Variants in CADPS2 observed in about 807,000 individuals in gnomAD.
The protein encoded by CADPS2 is calcium dependent secretion activator 2.
A neutral mutation model predicts 172.5 loss-of-function variants in CADPS2; 93 were observed. The observed-to-expected ratio is 0.54, with a 90% CI of 0.46 to 0.64. The LOEUF is 0.64. CADPS2 is among the 30% of genes least tolerant of loss of function. CADPS2 has a pLI of 0.00. For missense variants in CADPS2, 1,420 were observed against 1,565.9 expected (o/e 0.91, Z 1.57); for synonymous variants, 546 against 555.2 (o/e 0.98, Z 0.23).
At chr7:122,546,142 A>G (rs909012106) in intron 8 of CADPS2, among the ~76,000 whole-genome samples, 1 of 152,274 alleles carries the variant, frequency 6.6e-6, no homozygotes, top group Non-Finnish European at 1.5e-5. Context: ...CACTGGTATT[A>G]ATGTTAAAAT....
At chr7:122,588,748 A>G (rs930502147) in intron 6 of CADPS2, among the ~76,000 whole-genome samples, 4 of 151,908 alleles carry the variant, frequency 2.6e-5, no homozygotes, top group African/African-American at 9.7e-5. Context: ...TTTGCTGAAG[A>G]AACTGACTTT....
chr7:122,660,159 A>G (rs889761691), intron 3 of CADPS2, among the ~76,000 whole-genome samples: 2 of 152,186 alleles, frequency 1.3e-5, no homozygotes, highest in African/African-American at 2.4e-5. Context: ...GTTCAAAGCA[A>G]TAATAGAAAG....
chr7:122,676,855 C>G (rs1192351645), intron 2 of CADPS2: 1 of 515,732 alleles, frequency 1.9e-6, no homozygotes, highest in East Asian at 3.1e-5. Flanking sequence ...TTTTCCAGGT[C>G]ACTTTGTGTG....
chr7:122,815,240 A>T (rs1414928960), intron 1 of CADPS2, among the ~76,000 whole-genome samples: 2 of 152,158 alleles, frequency 1.3e-5, no homozygotes, highest in African/African-American at 4.8e-5. Flanking sequence ...TAAACTGTTA[A>T]GTCAGTCTGC....
chr7:122,544,078 G>A (rs527383791), intron 8 of CADPS2, among the ~76,000 whole-genome samples: 4 of 152,096 alleles, frequency 2.6e-5, no homozygotes, highest in Non-Finnish European at 4.4e-5. Flanking sequence ...CCACTCCTAC[G>A]TGTCCACTCA....
At chr7:122,593,346 G>T (rs1347475081) in intron 6 of CADPS2, among the ~76,000 whole-genome samples, 2 of 151,948 alleles carry the variant, frequency 1.3e-5, no homozygotes, top group African/African-American at 4.8e-5. Flanking sequence ...ATAAAAAAGA[G>T]CCATTACCTG....
At chr7:122,880,408 G>A (rs1365451391) in intron 1 of CADPS2, among the ~76,000 whole-genome samples, 1 of 152,156 alleles carries the variant, frequency 6.6e-6, no homozygotes, top group Non-Finnish European at 1.5e-5. Context: ...TGTATCGACT[G>A]CACAAACTCT....
chr7:122,712,452 AG>A (rs1426845980), intron 2 of CADPS2, among the ~76,000 whole-genome samples: 1 of 152,186 alleles, frequency 6.6e-6, no homozygotes, highest in Non-Finnish European at 1.5e-5. Context: ...CTATGTGCAT[AG>A]TACTTAATAG....
intron 7 of CADPS2, among the ~76,000 whole-genome samples, chr7:122,565,831 T>C (rs923343207): frequency 6.6e-6 from 1 of 152,212 alleles, no homozygotes; most frequent in Non-Finnish European, 1.5e-5. Context: ...TTCAAGCGTA[T>C]AATTCATGAT....
At chr7:122,431,235 T>A (rs2049868597) in intron 17 of CADPS2, among the ~76,000 whole-genome samples, 1 of 152,242 alleles carries the variant, frequency 6.6e-6, no homozygotes, top group African/African-American at 2.4e-5. Flanking sequence ...GTTTATCCAA[T>A]AAATATTTAC....
intron 1 of CADPS2, among the ~76,000 whole-genome samples, chr7:122,769,931 A>G (rs368258128): frequency 1.3e-5 from 2 of 152,310 alleles, no homozygotes; most frequent in African/African-American, 4.8e-5. Context: ...TACAGCTAAT[A>G]TTTACTGAGC....
intron 15 of CADPS2, among the ~76,000 whole-genome samples, chr7:122,447,438 C>A (rs2052404064): frequency 6.6e-6 from 1 of 151,444 alleles, no homozygotes; most frequent in Non-Finnish European, 1.5e-5. Context: ...ATGCTCCAGT[C>A]AGAACTGATT....
At chr7:122,739,240 A>G (rs1350238179) in intron 1 of CADPS2, among the ~76,000 whole-genome samples, 1 of 152,190 alleles carries the variant, frequency 6.6e-6, no homozygotes, top group African/African-American at 2.4e-5. Context: ...TATGCAAAGA[A>G]TGACAATGAA....
At chr7:122,682,788 T>C (rs1439060420) in intron 2 of CADPS2, among the ~76,000 whole-genome samples, 2 of 152,216 alleles carry the variant, frequency 1.3e-5, no homozygotes, top group Non-Finnish European at 2.9e-5. Flanking sequence ...TGAACCATTC[T>C]GGGTCAGTTT....
intron 1 of CADPS2, among the ~76,000 whole-genome samples, chr7:122,796,678 T>C (rs1197433711): frequency 6.6e-6 from 1 of 152,012 alleles, no homozygotes; most frequent in Non-Finnish European, 1.5e-5. Context: ...AGACTGAAAC[T>C]GGACTCCTTC....
intron 2 of CADPS2, among the ~76,000 whole-genome samples, chr7:122,727,179 T>A (rs945704435): frequency 1.3e-5 from 2 of 151,936 alleles, no homozygotes; most frequent in East Asian, 3.9e-4. Flanking sequence ...GAGCGTAAAT[T>A]CTTTCTGAAC....
chr7:122,407,482 A>G, intron 20 of CADPS2, 58 bp downstream of exon 20: 1 of 1,542,234 alleles, frequency 6.5e-7, no homozygotes, highest in Non-Finnish European at 8.8e-7. Context: ...ATACATTCAC[A>G]TTCAACATTC....
intron 2 of CADPS2, among the ~76,000 whole-genome samples, chr7:122,704,726 A>G (rs1468352607): frequency 6.6e-6 from 1 of 152,062 alleles, no homozygotes; most frequent in Non-Finnish European, 1.5e-5. Context: ...CTCGTCTTAC[A>G]ACAAAATAGA....
intron 3 of CADPS2, 119 bp from the exon 4 acceptor site, chr7:122,629,447 G>T: frequency 1.9e-6 from 1 of 516,892 alleles, no homozygotes; most frequent in Non-Finnish European, 3.2e-6. Context: ...ATGTTTAATA[G>T]ATTGTATCAG....
Sources: gnomAD v4.1 joint callset for allele counts (sites outside exome capture counted in the v4.1 genomes callset) on GRCh38, gnomAD v4.1.1 for gene constraint, MANE v1.5 for transcripts, NCBI Gene and HGNC (gene_info 2026-07-23, HGNC 2026-07-21) for gene names.